The following PNPT1 variants were observed in gnomAD, a reference collection of about 807,000 sequenced individuals.
The protein encoded by PNPT1 is polyribonucleotide nucleotidyltransferase 1, mitochondrial.
Under a neutral mutation model 119.5 loss-of-function variants are expected in PNPT1, and 53 were observed. The observed-to-expected ratio is 0.44, with a 90% CI of 0.36 to 0.56. The LOEUF is 0.56. Ranked by LOEUF, PNPT1 falls within the 20% of genes least tolerant of loss-of-function variation. The pLI, the probability that PNPT1 is intolerant of heterozygous loss-of-function variation, is 0.00. For missense variants in PNPT1, 948 were observed against 938.5 expected (o/e 1.01, Z -0.13); for synonymous variants, 357 against 322.1 (o/e 1.11, Z -1.16).
intron 8 of PNPT1, among the ~76,000 whole-genome samples, chr2:55,678,248 C>T (rs139603819): frequency 4.3e-4 from 66 of 152,268 alleles, no homozygotes; most frequent in African/African-American, 1.2e-3. Context: ...CTCAAGGCTC[C>T]GAGATGCTCA....
In PNPT1 at chr2:55,687,438, C is replaced by CA. The variant is rs11386711; in HGVS notation, c.222+206dup. ...CTGGAGATGGAGCAAGAGTCCACCT[C>CA]AAAAAAAAAAATAGGTCACTTAATA... On this transcript the variant is annotated intron_variant, in intron 2 of 27. Coordinates refer to ENST00000447944, the MANE Select transcript of PNPT1 (RefSeq NM_033109.5). Among the ~76,000 whole-genome samples the CA allele has an allele frequency of 0.45, 66,941 of 147,510 alleles. 15,479 individuals are homozygous for CA. Among genetic ancestry groups the CA allele is most frequent in the Non-Finnish European group, 0.51 (34,085 of 66,794 alleles).
At chr2:55,664,658 A>G (rs191278308) in intron 13 of PNPT1, among the ~76,000 whole-genome samples, 61 of 152,336 alleles carry the variant, frequency 4.0e-4, no homozygotes, top group African/African-American at 1.0e-3. Flanking sequence ...AACAAATAAT[A>G]AAATGACGGT....
At chr2:55,664,078 G>C (rs1296732556) in intron 13 of PNPT1, among the ~76,000 whole-genome samples, 1 of 152,172 alleles carries the variant, frequency 6.6e-6, no homozygotes, top group Non-Finnish European at 1.5e-5. Context: ...TCTTCAGAAA[G>C]GAATAAAAAG....
At chr2:55,691,988 C>T (rs1697634200) in intron 1 of PNPT1, among the ~76,000 whole-genome samples, 1 of 149,016 alleles carries the variant, frequency 6.7e-6, no homozygotes, top group African/African-American at 2.5e-5. Context: ...TGGGTTCAAC[C>T]GATTCTCCTG....
intron 26 of PNPT1, among the ~76,000 whole-genome samples, chr2:55,638,621 C>T (rs1268214469): frequency 3.3e-5 from 5 of 152,088 alleles, no homozygotes; most frequent in Admixed American, 6.6e-5. Context: ...TATACTCCAG[C>T]CTGGGTGACA....
chr2:55,678,047 G>A (rs555232526), intron 8 of PNPT1, among the ~76,000 whole-genome samples: 1 of 152,232 alleles, frequency 6.6e-6, no homozygotes, highest in East Asian at 1.9e-4. Flanking sequence ...GGCCATTTCT[G>A]TGTCTTAATG....
At chr2:55,646,164 T>G in intron 21 of PNPT1, 95 bp downstream of exon 21, 2 of 1,249,760 alleles carry the variant, frequency 1.6e-6, no homozygotes, top group Non-Finnish European at 2.2e-6. Context: ...AATTCCACTT[T>G]TTAAAGCAAT....
At chr2:55,693,086 T>A (rs1340909677) in intron 1 of PNPT1, among the ~76,000 whole-genome samples, 1 of 152,224 alleles carries the variant, frequency 6.6e-6, no homozygotes, top group African/African-American at 2.4e-5. Flanking sequence ...TTACCATCTC[T>A]GCCTTCCTCT....
At chr2:55,642,571 ACTCCAGC>A (rs1695865598) in intron 25 of PNPT1, among the ~76,000 whole-genome samples, 1 of 137,836 alleles carries the variant, frequency 7.3e-6, no homozygotes, top group African/African-American at 2.9e-5. Flanking sequence ...GCACCACTGC[ACTCCAGC>A]CTGGGTGACA....
At chr2:55,668,381 C>T (rs530691242) in intron 11 of PNPT1, among the ~76,000 whole-genome samples, 1 of 152,110 alleles carries the variant, frequency 6.6e-6, no homozygotes, top group Admixed American at 6.5e-5. Flanking sequence ...GGACTACAGG[C>T]GTGTACCACC....
chr2:55,651,885 C>CAAAAAAAA, intron 18 of PNPT1, among the ~76,000 whole-genome samples: 134 of 119,650 alleles, frequency 1.1e-3, no homozygotes, highest in Non-Finnish European at 1.6e-3. Context: ...AAAGGAAAGT[C>CAAAAAAAA]AAAAAAAAAA....
At chr2:55,640,159 ACT>A (rs754917522) in intron 26 of PNPT1, among the ~76,000 whole-genome samples, 27 of 150,142 alleles carry the variant, frequency 1.8e-4, no homozygotes, top group Admixed American at 4.0e-4. Flanking sequence ...TAAAACAGAC[ACT>A]CTTTTTTTTT....
chr2:55,638,923 C>G (rs770325051), intron 26 of PNPT1, among the ~76,000 whole-genome samples: 5 of 152,022 alleles, frequency 3.3e-5, no homozygotes, highest in Admixed American at 6.6e-5. Flanking sequence ...TACAGGTGCA[C>G]GCCATCATGC....
chr2:55,677,143 G>C (rs1247423801), intron 8 of PNPT1, among the ~76,000 whole-genome samples: 1 of 152,132 alleles, frequency 6.6e-6, no homozygotes, highest in Non-Finnish European at 1.5e-5. Context: ...CTTACAGGTT[G>C]GTTCTGAATC....
In PNPT1 at chr2:55,635,127, G is replaced by GAATT. The variant is rs2104007108; in HGVS notation, c.*1106_*1109dup. On this transcript the variant is annotated 3_prime_UTR_variant, in exon 28 of 28. Coordinates refer to ENST00000447944, the MANE Select transcript of PNPT1 (RefSeq NM_033109.5). ...TCCACATACCATTTACTTTTCTGTGGAATTATAAGGTGATATTTTAAATGA... is the reference window on the plus strand; with the variant it reads ...TCCACATACCATTTACTTTTCTGTGGAATTAATTATAAGGTGATATTTTAAATGA... 6.6e-6 allele frequency: 1 copy of GAATT among 152,210 alleles called. No homozygotes were observed. The highest frequency in any genetic ancestry group is 2.4e-5 in the African/African-American group (1 of 41,518). The allele number at this position is 152,210 out of a possible 1,614,324, so 9.4% of individuals were successfully genotyped here.
intron 13 of PNPT1, among the ~76,000 whole-genome samples, chr2:55,665,462 T>C (rs1486361364): frequency 1.3e-5 from 2 of 152,106 alleles, no homozygotes; most frequent in Non-Finnish European, 2.9e-5. Flanking sequence ...GAGACATATA[T>C]ATATAAAGTT....
At chr2:55,653,705 T>C (rs2104064068) in intron 18 of PNPT1, among the ~76,000 whole-genome samples, 1 of 152,358 alleles carries the variant, frequency 6.6e-6, no homozygotes, top group South Asian at 2.1e-4. Flanking sequence ...TTGAATAAAT[T>C]ACAAAAGTAC....
At chr2:55,683,444 C>T (rs975638696) in intron 5 of PNPT1, among the ~76,000 whole-genome samples, 1 of 151,968 alleles carries the variant, frequency 6.6e-6, no homozygotes, top group African/African-American at 2.4e-5. Flanking sequence ...GAAAACTGGT[C>T]TCTATTAAAA....
chr2:55,655,300 A>AT (rs1696351703), intron 17 of PNPT1, among the ~76,000 whole-genome samples: 1 of 152,078 alleles, frequency 6.6e-6, no homozygotes, highest in Non-Finnish European at 1.5e-5. Flanking sequence ...CGCCCAGCTA[A>AT]TTTTTTGTAT....
Sources: allele counts gnomAD v4.1 joint callset (sites outside exome capture counted in the v4.1 genomes callset), GRCh38; gene constraint gnomAD v4.1.1; transcripts MANE v1.5; gene names NCBI Gene and HGNC (gene_info 2026-07-23, HGNC 2026-07-21).